Variants in CD226 observed in about 807,000 individuals in gnomAD.
The protein encoded by CD226 is CD226 antigen.
A neutral mutation model predicts 34.9 loss-of-function variants in CD226; 24 were observed. The ratio of observed to expected loss-of-function variants is 0.69; its 90% confidence interval spans 0.50 to 0.97. The LOEUF is 0.97. Ranked by LOEUF, CD226 falls within the 50% of genes least tolerant of loss-of-function variation. The pLI is 0.00. For missense variants in CD226, 397 were observed against 412.7 expected (o/e 0.96, Z 0.33); for synonymous variants, 148 against 147.4 (o/e 1.00, Z -0.03).
In CD226 at chr18:69,854,123, T is replaced by G. The variant is rs1401109080; in HGVS notation, c.*10191A>C. On this transcript the variant is annotated 3_prime_UTR_variant, in exon 6 of 6. Transcript: ENST00000582621. Reference sequence around the variant, plus strand: ...TGTCATCATGTTAAGGCATGGAAGATGTTGCTGCCATGCTTATAACAAGAC... The same window carrying G: ...TGTCATCATGTTAAGGCATGGAAGAGGTTGCTGCCATGCTTATAACAAGAC... 1 of 152,102 alleles carries G rather than the reference T, an allele frequency of 6.6e-6. No individual in the cohort carries two copies. Among genetic ancestry groups the G allele is most frequent in the Non-Finnish European group, 1.5e-5 (1 of 68,028 alleles). 9.4% of individuals were successfully genotyped at this position (152,102 alleles called of 1,614,324 possible). A position where few individuals can be genotyped will look rare whatever the true frequency, so the allele number is the denominator to read the frequency against.
At chr18:69,917,965 G>A (rs1002344199) in intron 2 of CD226, among the ~76,000 whole-genome samples, 1 of 152,130 alleles carries the variant, frequency 6.6e-6, no homozygotes, top group Non-Finnish European at 1.5e-5. Flanking sequence ...TTGAAAACAA[G>A]TCAGCTGCCC....
rs1982713243 is a variant in CD226, at chr18:69,859,511, T to A, written c.*4803A>T. 6.6e-6 allele frequency: 1 copy of A among 151,682 alleles called. No homozygotes were observed. The highest frequency in any genetic ancestry group is 1.5e-5 in the Non-Finnish European group (1 of 67,976). 9.4% of individuals were successfully genotyped at this position (151,682 alleles called of 1,614,324 possible). A position where few individuals can be genotyped will look rare whatever the true frequency, so the allele number is the denominator to read the frequency against. ...ATTTCTGAAAGAGACATGAGAAGAG[T>A]ATTTTATGTGGTGAGTTTGGGGAGA... On this transcript the variant is annotated 3_prime_UTR_variant, in exon 6 of 6. Transcript: ENST00000582621.
At chr18:69,892,139 A>G (rs1376904745) in intron 3 of CD226, among the ~76,000 whole-genome samples, 1 of 152,228 alleles carries the variant, frequency 6.6e-6, no homozygotes, top group Non-Finnish European at 1.5e-5. Context: ...GAAGACGATT[A>G]TACAAGGACA....
intron 2 of CD226, among the ~76,000 whole-genome samples, chr18:69,903,183 T>A (rs999755890): frequency 1.3e-5 from 2 of 152,146 alleles, no homozygotes; most frequent in Admixed American, 6.5e-5. Flanking sequence ...GGCAGAATTT[T>A]CCAAGGATGC....
chr18:69,868,402 G>C (rs1416809075), intron 4 of CD226, among the ~76,000 whole-genome samples: 1 of 152,084 alleles, frequency 6.6e-6, no homozygotes, highest in Non-Finnish European at 1.5e-5. Context: ...CCAGGGAAAG[G>C]TTATGCAGGA....
At chr18:69,930,302 A>G (rs2055573868) in intron 2 of CD226, among the ~76,000 whole-genome samples, 1 of 152,270 alleles carries the variant, frequency 6.6e-6, no homozygotes, top group Non-Finnish European at 1.5e-5. Flanking sequence ...AAAACAAAGC[A>G]TAAAAGATGA....
chr18:69,944,214 C>T (rs1242329628), intron 2 of CD226, among the ~76,000 whole-genome samples: 1 of 152,146 alleles, frequency 6.6e-6, no homozygotes, highest in Non-Finnish European at 1.5e-5. Context: ...CCCATTGCAT[C>T]AATCTGCTCT....
intron 3 of CD226, among the ~76,000 whole-genome samples, chr18:69,877,502 C>CA (rs1352772189): frequency 6.6e-6 from 1 of 152,040 alleles, no homozygotes; most frequent in African/African-American, 2.4e-5. Flanking sequence ...TGGGACTGGG[C>CA]AAAAAGCATA....
chr18:69,948,352 C>T (rs2055817643), upstream of CD226, among the ~76,000 whole-genome samples: 1 of 152,010 alleles, frequency 6.6e-6, no homozygotes, highest in African/African-American at 2.4e-5. Context: ...TATACCCCTA[C>T]AAAAAGAGGA....
At chr18:69,891,598 A>G (rs1620963) in intron 3 of CD226, among the ~76,000 whole-genome samples, 133,384 of 152,090 alleles carry the variant, frequency 0.88, 58,979 homozygotes, top group East Asian at 0.97. Context: ...TAAAAGTGCC[A>G]CAAAAAAACC....
chr18:69,873,413 G>C (rs1172890760), intron 3 of CD226, among the ~76,000 whole-genome samples, 167 bp from the exon 4 acceptor site: 2 of 151,704 alleles, frequency 1.3e-5, no homozygotes, highest in Non-Finnish European at 1.5e-5. Flanking sequence ...TTCTTTTAGA[G>C]TCTCCTAAAT....
chr18:69,898,870 G>C (rs1985452024), intron 2 of CD226, among the ~76,000 whole-genome samples: 1 of 152,226 alleles, frequency 6.6e-6, no homozygotes, highest in Non-Finnish European at 1.5e-5. Flanking sequence ...GAGAACCGTG[G>C]GATCCTGATG....
Position 69,862,562 on chromosome 18 carries a change from A to C in CD226, c.*1752T>G, listed in dbSNP as rs1982882046. On this transcript the variant is annotated 3_prime_UTR_variant, in exon 6 of 6. Transcript: ENST00000582621. Reference sequence around the variant, plus strand: ...GAGTTTACCCTTCTTGCATATACTTAAGCACAACCAGGAAATGGTCGTTTT... The same window carrying C: ...GAGTTTACCCTTCTTGCATATACTTCAGCACAACCAGGAAATGGTCGTTTT... 1 of 152,162 alleles carries C rather than the reference A, an allele frequency of 6.6e-6. No homozygotes were observed. The highest frequency in any genetic ancestry group is 1.5e-5 in the Non-Finnish European group (1 of 67,984). The allele number at this position is 152,162 out of a possible 1,614,324, so 9.4% of individuals were successfully genotyped here.
rs1220054330 is a variant in CD226, at chr18:69,858,052, C to G, written c.*6262G>C. 1.3e-5 allele frequency: 2 copies of G among 152,042 alleles called. No individual in the cohort carries two copies. The highest frequency in any genetic ancestry group is 1.3e-4 in the Admixed American group (2 of 15,256). The allele number at this position is 152,042 out of a possible 1,614,324, so 9.4% of individuals were successfully genotyped here. On this transcript the variant is annotated 3_prime_UTR_variant, in exon 6 of 6. Coordinates refer to ENST00000582621, the MANE Select transcript of CD226 (RefSeq NM_001303618.2). ...TAGAAAAATATGCAATGTATACATG[C>G]GGATGATTAGTAAACCCTAATATCC...
chr18:69,928,941 G>A (rs1472989843), intron 2 of CD226, among the ~76,000 whole-genome samples: 2 of 152,236 alleles, frequency 1.3e-5, no homozygotes, highest in African/African-American at 4.8e-5. Flanking sequence ...ACTTTGGAAG[G>A]TATGCAGGGA....
intron 2 of CD226, among the ~76,000 whole-genome samples, chr18:69,926,917 G>C (rs1324136282): frequency 6.6e-6 from 1 of 152,080 alleles, no homozygotes; most frequent in Non-Finnish European, 1.5e-5. Context: ...ATAAAGACAA[G>C]AACCAAAACA....
chr18:69,867,717 C>G (rs1196573177), intron 4 of CD226, among the ~76,000 whole-genome samples: 2 of 152,138 alleles, frequency 1.3e-5, no homozygotes, highest in Non-Finnish European at 2.9e-5. Context: ...TGACTTATAG[C>G]TTTCTCCAAA....
rs1982558485 is a variant in CD226 at position 69,854,499 on chromosome 18, CAACAGATAGAGA to C, written c.*9803_*9814del. ...AAGAAAAATTTCCTCGTGGCTCTGG[CAACAGATAGAGA>C]GGGACATCCATTGAGAAATAAGCCA... On this transcript the variant is annotated 3_prime_UTR_variant, in exon 6 of 6. Transcript: ENST00000582621. The C allele has an allele frequency of 6.6e-6, 1 of 152,262 alleles. No individual in the cohort carries two copies. Among genetic ancestry groups the C allele is most frequent in the African/African-American group, 2.4e-5 (1 of 41,436 alleles). The allele number at this position is 152,262 out of a possible 1,614,324, so 9.4% of individuals were successfully genotyped here.
intron 3 of CD226, among the ~76,000 whole-genome samples, chr18:69,877,481 C>T (rs1788244): frequency 0.39 from 58,608 of 151,950 alleles, 11,866 homozygotes; most frequent in Middle Eastern, 0.52. Context: ...TGACTGACAA[C>T]CTTGTAGAAA....
Sources: gnomAD v4.1 joint callset for allele counts (sites outside exome capture counted in the v4.1 genomes callset) on GRCh38, gnomAD v4.1.1 for gene constraint, MANE v1.5 for transcripts, NCBI Gene and HGNC (gene_info 2026-07-23, HGNC 2026-07-21) for gene names.